The following PHF20 variants were observed in gnomAD, a reference collection of about 807,000 sequenced individuals.
PHF20 encodes glioma-expressed antigen 2.
PHF20 carries 23 observed loss-of-function variants against 113.5 expected under a neutral mutation model. That is an observed-to-expected ratio of 0.20 (90% CI 0.15 to 0.29). PHF20 has a LOEUF of 0.29. Ranked by LOEUF, PHF20 falls within the 10% of genes least tolerant of loss-of-function variation. The pLI, the probability that PHF20 is intolerant of heterozygous loss-of-function variation, is 1.00. For synonymous variants in PHF20, 434 were observed against 457.3 expected, an observed-to-expected ratio of 0.95 and a Z score of 0.65; for missense variants, 943 against 1,219.6, an observed-to-expected ratio of 0.77 and a Z score of 3.38.
intron 13 of PHF20, among the ~76,000 whole-genome samples, 181 bp downstream of exon 13, chr20:35,917,843 C>T (rs2055436784): frequency 6.6e-6 from 1 of 152,074 alleles, no homozygotes; most frequent in Admixed American, 6.6e-5. Context: ...ATACATAGTC[C>T]ATTGATGGAG....
chr20:35,921,312 G>GT (rs1239297384), intron 13 of PHF20, among the ~76,000 whole-genome samples: 1 of 151,778 alleles, frequency 6.6e-6, no homozygotes, highest in African/African-American at 2.4e-5. Flanking sequence ...CTTGGAACAT[G>GT]TTTGAGTGTG....
intron 3 of PHF20, 93 bp from the exon 4 acceptor site, chr20:35,847,257 A>G: frequency 2.6e-6 from 2 of 780,386 alleles, no homozygotes; most frequent in East Asian, 2.7e-5. Context: ...TTTCTTATCA[A>G]TCCCAGCTTC....
chr20:35,877,417 ATTCTT>A (rs2054549601), intron 9 of PHF20, among the ~76,000 whole-genome samples: 1 of 146,944 alleles, frequency 6.8e-6, no homozygotes, highest in Non-Finnish European at 1.5e-5. Context: ...GCCAGACCCT[ATTCTT>A]TTCTTTCTTT....
At chr20:35,939,146 G>A (rs185343710) in intron 16 of PHF20, 38 bp downstream of exon 16, 9 of 1,509,294 alleles carry the variant, frequency 6.0e-6, no homozygotes, top group Middle Eastern at 1.8e-4. Flanking sequence ...CATTCATTGC[G>A]TGAATGCTTG....
intron 10 of PHF20, among the ~76,000 whole-genome samples, chr20:35,911,488 CTA>C (rs1277924197): frequency 1.3e-5 from 2 of 152,180 alleles, no homozygotes; most frequent in African/African-American, 2.4e-5. Flanking sequence ...GTATAAGTCT[CTA>C]TGTGGACGTA....
intron 1 of PHF20, among the ~76,000 whole-genome samples, chr20:35,773,866 T>C (rs2041116083): frequency 6.6e-6 from 1 of 152,300 alleles, no homozygotes; most frequent in Non-Finnish European, 1.5e-5. Context: ...TCCTTTGCTT[T>C]ATCTCCTTGT....
At chr20:35,880,143 C>G (rs2054601343) in intron 9 of PHF20, among the ~76,000 whole-genome samples, 1 of 152,176 alleles carries the variant, frequency 6.6e-6, no homozygotes, top group Admixed American at 6.6e-5. Context: ...TCATTAACTG[C>G]TATTTGGATT....
intron 2 of PHF20, among the ~76,000 whole-genome samples, chr20:35,818,606 C>T (rs781136141): frequency 2.6e-5 from 4 of 151,918 alleles, no homozygotes; most frequent in Non-Finnish European, 5.9e-5. Context: ...GTGGTGTGAT[C>T]ATAACTGTAG....
intron 9 of PHF20, among the ~76,000 whole-genome samples, chr20:35,884,818 C>T (rs538838461): frequency 2.0e-5 from 3 of 152,130 alleles, no homozygotes; most frequent in African/African-American, 7.2e-5. Flanking sequence ...CTTTATTATT[C>T]TCTCCCAGAT....
chr20:35,885,467 C>CTTTTTTTTTTTTTTTTTTT (rs577878410), intron 9 of PHF20, among the ~76,000 whole-genome samples: 1 of 35,724 alleles, frequency 2.8e-5, no homozygotes, highest in East Asian at 1.1e-3. Context: ...GGGGAATAAG[C>CTTTTTTTTTTTTTTTTTTT]TTTTTTTTTT....
intron 9 of PHF20, among the ~76,000 whole-genome samples, chr20:35,890,542 A>G (rs2054829911): frequency 6.6e-6 from 1 of 152,178 alleles, no homozygotes; most frequent in Non-Finnish European, 1.5e-5. Context: ...GGTCAGTGAC[A>G]ACAATAATGA....
intron 9 of PHF20, among the ~76,000 whole-genome samples, chr20:35,896,799 CA>C (rs34377497): frequency 0.029 from 1,834 of 62,498 alleles, 34 homozygotes; most frequent in African/African-American, 0.091. Context: ...GACTCCGTCT[CA>C]AAAAAAAAAA....
chr20:35,903,768 G>T (rs1248989925), intron 10 of PHF20, among the ~76,000 whole-genome samples: 1 of 152,202 alleles, frequency 6.6e-6, no homozygotes, highest in Non-Finnish European at 1.5e-5. Context: ...ATCATATGTG[G>T]ATGGGGCTCA....
chr20:35,866,893 T>A (rs2054329272), intron 6 of PHF20, among the ~76,000 whole-genome samples: 1 of 152,216 alleles, frequency 6.6e-6, no homozygotes, highest in Non-Finnish European at 1.5e-5. Context: ...AGGGATGTTT[T>A]CTAAGTTTAT....
chr20:35,854,773 A>G (rs1357833650), intron 4 of PHF20, among the ~76,000 whole-genome samples: 1 of 152,204 alleles, frequency 6.6e-6, no homozygotes, highest in East Asian at 1.9e-4. Context: ...AGCAATAGGC[A>G]GTGCGGGGTG....
intron 2 of PHF20, among the ~76,000 whole-genome samples, chr20:35,836,972 C>A (rs2042453362): frequency 6.6e-6 from 1 of 151,972 alleles, no homozygotes; most frequent in South Asian, 2.1e-4. Flanking sequence ...GAATTTGAGA[C>A]CAGCCTGAGC....
intron 14 of PHF20, among the ~76,000 whole-genome samples, chr20:35,930,044 A>T (rs545681620): frequency 6.6e-6 from 1 of 152,310 alleles, no homozygotes; most frequent in Admixed American, 6.5e-5. Context: ...TCATGTTGAT[A>T]AGTCACATGT....
At chr20:35,864,012 C>G (rs761789052) in intron 6 of PHF20, among the ~76,000 whole-genome samples, 1 of 152,092 alleles carries the variant, frequency 6.6e-6, no homozygotes, top group Non-Finnish European at 1.5e-5. Context: ...TGGAATTCTT[C>G]TAGAATAACC....
chr20:35,847,391 T>C lies in PHF20; in HGVS notation c.297T>C (p.Asp99=). The C allele has an allele frequency of 6.2e-7, 1 of 1,613,048 alleles. No individual in the cohort carries two copies. Among genetic ancestry groups the C allele is most frequent in the Non-Finnish European group, 8.5e-7 (1 of 1,179,320 alleles). ...INEQVLACWS[D]CRFYPAKVTA... ...AGCAGGTCCTTGCTTGCTGGTCTGA[T>C]TGTCGTTTTTACCCGGCCAAAGTCA... The change falls in exon 4 of 18, where the codon GAT becomes GAC. Residue 99 remains aspartate, a synonymous_variant. Coordinates refer to ENST00000374012, the MANE Select transcript of PHF20 (RefSeq NM_016436.5).
Sources: gnomAD v4.1 joint callset for allele counts (sites outside exome capture counted in the v4.1 genomes callset) on GRCh38, gnomAD v4.1.1 for gene constraint, MANE v1.5 for transcripts, NCBI Gene and HGNC (gene_info 2026-07-23, HGNC 2026-07-21) for gene names.